Variants in MAN1A1 observed in about 807,000 individuals in gnomAD.
MAN1A1 encodes mannosyl-oligosaccharide 1,2-alpha-mannosidase IA.
A neutral mutation model predicts 70.8 loss-of-function variants in MAN1A1; 29 were observed. That is an observed-to-expected ratio of 0.41 (90% CI 0.31 to 0.56). The LOEUF is 0.56. MAN1A1 is among the 20% of genes least tolerant of loss of function. MAN1A1 has a pLI of 0.29. For missense variants in MAN1A1, 747 were observed against 841.3 expected, an observed-to-expected ratio of 0.89 and a Z score of 1.39; for synonymous variants, 349 against 330.1, an observed-to-expected ratio of 1.06 and a Z score of -0.62.
intron 6 of MAN1A1, among the ~76,000 whole-genome samples, chr6:119,230,754 T>C (rs886240170): frequency 4.0e-5 from 5 of 123,526 alleles, no homozygotes; most frequent in Admixed American, 1.5e-4. Flanking sequence ...AATATGAACA[T>C]TTTTTTGTTT....
intron 4 of MAN1A1, among the ~76,000 whole-genome samples, chr6:119,296,697 T>G (rs1438339685): frequency 1.4e-5 from 2 of 145,346 alleles, no homozygotes; most frequent in African/African-American, 5.1e-5. Context: ...ATGCAAACAA[T>G]CTGGATCTTA....
At chr6:119,183,025 G>A (rs1320535765) in intron 11 of MAN1A1, among the ~76,000 whole-genome samples, 1 of 152,174 alleles carries the variant, frequency 6.6e-6, no homozygotes. Context: ...CCAGAAAAGA[G>A]GCGAGGGAAA....
intron 2 of MAN1A1, among the ~76,000 whole-genome samples, chr6:119,332,790 A>AG (rs1333177456): frequency 1.3e-5 from 2 of 151,320 alleles, no homozygotes; most frequent in Non-Finnish European, 3.0e-5. Context: ...CATCTCAAGA[A>AG]AAAAAAAAAA....
At chr6:119,295,653 C>T (rs893645201) in intron 4 of MAN1A1, among the ~76,000 whole-genome samples, 1 of 152,102 alleles carries the variant, frequency 6.6e-6, no homozygotes, top group Non-Finnish European at 1.5e-5. Flanking sequence ...TCAGAGTGAA[C>T]TAAAAGTGTA....
Position 119,214,866 on chromosome 6 carries a change from AAATG to A in MAN1A1, c.993-9988_993-9985del, listed in dbSNP as rs530829049. 3.5e-3 allele frequency among the ~76,000 whole-genome samples: 528 copies of A among 152,304 alleles called. 2 individuals are homozygous for A. Among genetic ancestry groups the A allele is most frequent in the African/African-American group, 0.012 (501 of 41,560 alleles). ...TTTGCCTTTAAGGAAATACTCAGAT[AAATG>A]AATGCTGACACAAGAAAACTGTTAA... On this transcript the variant is annotated intron_variant, in intron 6 of 12. Transcript: ENST00000368468.
At position 119,294,383 on chromosome 6, in the gene MAN1A1, G is replaced by A. The variant is rs1019219449; in HGVS notation, c.817-3620C>T. Among the ~76,000 whole-genome samples the A allele has an allele frequency of 2.6e-5, 4 of 152,030 alleles. No homozygotes were observed. The East Asian group carries it at 7.7e-4, about 29-fold the overall frequency. ...AATGACAGAGGGGGTATTTGCAGCA[G>A]GGGGAAGACAGTAGGCAGACAAAGC... On this transcript the variant is annotated intron_variant, in intron 4 of 12. Transcript: ENST00000368468.
At chr6:119,227,510 A>G (rs1346051902) in intron 6 of MAN1A1, among the ~76,000 whole-genome samples, 2 of 152,222 alleles carry the variant, frequency 1.3e-5, no homozygotes, top group African/African-American at 4.8e-5. Context: ...ACATGGTCTC[A>G]GTCTATTGCC....
At chr6:119,201,067 T>C (rs957045949) in intron 8 of MAN1A1, among the ~76,000 whole-genome samples, 187 bp downstream of exon 8, 6 of 152,192 alleles carry the variant, frequency 3.9e-5, no homozygotes, top group Admixed American at 6.5e-5. Context: ...GAGTTATATA[T>C]GAAAAATACA....
intron 5 of MAN1A1, among the ~76,000 whole-genome samples, chr6:119,277,583 A>G (rs1180911383): frequency 6.6e-6 from 1 of 152,082 alleles, no homozygotes. Flanking sequence ...GCACTTTGGG[A>G]GGTAGAGGCA....
chr6:119,301,469 C>A (rs1772386813), intron 4 of MAN1A1, among the ~76,000 whole-genome samples: 1 of 152,076 alleles, frequency 6.6e-6, no homozygotes, highest in African/African-American at 2.4e-5. Flanking sequence ...CATATATAAT[C>A]AATTTATTTT....
At chr6:119,196,003 G>A (rs972374942) in intron 8 of MAN1A1, among the ~76,000 whole-genome samples, 2 of 152,112 alleles carry the variant, frequency 1.3e-5, no homozygotes, top group African/African-American at 4.8e-5. Flanking sequence ...ACACATGCAA[G>A]TGATGCGTGG....
At chr6:119,236,406 T>C (rs1774844933) in intron 6 of MAN1A1, among the ~76,000 whole-genome samples, 1 of 152,048 alleles carries the variant, frequency 6.6e-6, no homozygotes, top group Non-Finnish European at 1.5e-5. Context: ...CTGCAACTCA[T>C]GGATTGAGGA....
intron 11 of MAN1A1, among the ~76,000 whole-genome samples, chr6:119,184,900 A>T (rs873536): frequency 0.2 from 30,391 of 151,052 alleles, 3,206 homozygotes; most frequent in East Asian, 0.3. Flanking sequence ...TTTTTTTTTT[A>T]AAATTTTCAA....
At chr6:119,223,323 A>T (rs1774417300) in intron 6 of MAN1A1, among the ~76,000 whole-genome samples, 1 of 152,126 alleles carries the variant, frequency 6.6e-6, no homozygotes, top group South Asian at 2.1e-4. Flanking sequence ...ATCAGGAATA[A>T]TTTTTTTGCT....
intron 2 of MAN1A1, among the ~76,000 whole-genome samples, chr6:119,336,390 C>T (rs1393878807): frequency 1.3e-5 from 2 of 152,084 alleles, no homozygotes; most frequent in Non-Finnish European, 2.9e-5. Context: ...TTTAACATGC[C>T]CTCCAGGTGA....
intron 11 of MAN1A1, among the ~76,000 whole-genome samples, chr6:119,181,070 G>A (rs1463763012): frequency 6.6e-6 from 1 of 152,070 alleles, no homozygotes; most frequent in African/African-American, 2.4e-5. Context: ...CCAGTCCACT[G>A]TTTATTTTTG....
chr6:119,228,925 T>C (rs925902320), intron 6 of MAN1A1, among the ~76,000 whole-genome samples: 8 of 152,114 alleles, frequency 5.3e-5, no homozygotes, highest in African/African-American at 1.4e-4. Flanking sequence ...AATTCTCTCA[T>C]TGAGGGCAAA....
In MAN1A1 at chr6:119,348,783, C is replaced by T; in HGVS notation, c.283G>A (p.Glu95Lys). 7.1e-7 allele frequency: 1 copy of T among 1,415,898 alleles called. No homozygotes were observed. Among genetic ancestry groups the T allele is most frequent in the Non-Finnish European group, 9.2e-7 (1 of 1,084,858 alleles). The allele number at this position is 1,415,898 out of a possible 1,614,324, so 87.7% of individuals were successfully genotyped here. The change falls in exon 2 of 13, where the codon GAG becomes AAG. Residue 95 changes from glutamate (E) to lysine (K), a missense_variant. Transcript: ENST00000368468. ...DHKPGPGARAEDAAEGRARRR... is the reference protein window; with the variant it reads ...DHKPGPGARAKDAAEGRARRR... ...CGGGCTCGCCCCTCGGCCGCGTCCT[C>T]GGCGCGCGCCCCGGGCCCGGGCTTG...
rs1173359602 is a variant in MAN1A1 at position 119,178,993 on chromosome 6, G to C, written c.*826C>G. 1 of 152,138 alleles carries C rather than the reference G, an allele frequency of 6.6e-6. No individual in the cohort carries two copies. The highest frequency in any genetic ancestry group is 1.5e-5 in the Non-Finnish European group (1 of 67,982). The allele number at this position is 152,138 out of a possible 1,614,324, so 9.4% of individuals were successfully genotyped here. On this transcript the variant is annotated 3_prime_UTR_variant, in exon 13 of 13. Transcript: ENST00000368468. ...TTAAACCCAAAAGCTAATCCATTAA[G>C]TTGTACTATTTTCTTCAGATAAATG...
Sources: allele counts gnomAD v4.1 joint callset (sites outside exome capture counted in the v4.1 genomes callset), GRCh38; gene constraint gnomAD v4.1.1; transcripts MANE v1.5; gene names NCBI Gene and HGNC (gene_info 2026-07-23, HGNC 2026-07-21).